Variants in MBTPS2 observed in about 807,000 individuals in gnomAD.
MBTPS2 encodes the protein membrane-bound transcription factor site-2 protease.
A neutral mutation model predicts 35.4 loss-of-function variants in MBTPS2; 2 were observed. The observed-to-expected ratio is 0.06, with a 90% CI of 0.02 to 0.18. The LOEUF (loss-of-function observed/expected upper bound fraction) is 0.18. MBTPS2 is among the 10% of genes least tolerant of loss of function. MBTPS2 has a pLI of 1.00. For synonymous variants in MBTPS2, 125 were observed against 140.4 expected (o/e 0.89, Z 0.77); for missense variants, 244 against 386.5 (o/e 0.63, Z 3.09).
chrX:21,881,663 C>T (rs982005942), intron 10 of MBTPS2, among the ~76,000 whole-genome samples: 9 of 111,341 alleles, frequency 8.1e-5, no homozygotes, highest in East Asian at 5.6e-4. Flanking sequence ...TGGCCAGGCG[C>T]GGTGGCTCAC....
chrX:21,864,881 T>TTTC (rs1491195522), intron 5 of MBTPS2, among the ~76,000 whole-genome samples: 8 of 63,577 alleles, frequency 1.3e-4, no homozygotes, highest in African/African-American at 4.1e-4. Flanking sequence ...TCTTTCTTTC[T>TTTC]TTTTTTTTTT....
At position 21,858,725 on chromosome X, in the gene MBTPS2, A is replaced by G. The variant is rs753557440; in HGVS notation, c.670+5222A>G. On this transcript the variant is annotated intron_variant, in intron 5 of 10. Transcript: ENST00000379484. ...GGCAACATGGCATAACTCGGTCTCT[A>G]CCAAAAATAAAAAAATTAGCTGAGT... 184 of 119,297 alleles carry G rather than the reference A, an allele frequency of 1.5e-3. 5 individuals carry two copies. The highest frequency in any genetic ancestry group is 1.8e-3 in the Non-Finnish European group (94 of 52,456). The allele number at this position is 119,297 out of a possible 1,213,427, so 9.8% of individuals were successfully genotyped here.
chrX:21,874,326 C>CGT (rs559168663), intron 7 of MBTPS2, among the ~76,000 whole-genome samples: 266 of 102,389 alleles, frequency 2.6e-3, no homozygotes, highest in South Asian at 0.012. Flanking sequence ...CACCCAGCCT[C>CGT]GTGTGTGTGT....
chrX:21,862,845 T>A (rs2092933283), intron 5 of MBTPS2, among the ~76,000 whole-genome samples: 1 of 90,527 alleles, frequency 1.1e-5, no homozygotes, highest in African/African-American at 3.9e-5. Flanking sequence ...AAAAAACATA[T>A]ATATATATAC....
Position 21,845,201 on chromosome X carries a change from T to G in MBTPS2, c.255T>G (p.Ile85Met). Reference protein sequence around the residue: ...WFNFGMVFGVIAMFSSFFLLG... With the variant: ...WFNFGMVFGVMAMFSSFFLLG... ...ATTTTGGAATGGTGTTTGGCGTAAT[T>G]GCCATGTTTAGCTCATTTTTTCTCC... The change falls in exon 3 of 11, where the codon ATT becomes ATG. Residue 85 changes from isoleucine to methionine, a missense_variant. Physicochemically the swap from Ile to Met is conservative, Grantham distance 10. Coordinates refer to ENST00000379484, the MANE Select transcript of MBTPS2 (RefSeq NM_015884.4). The G allele has an allele frequency of 8.3e-7, 1 of 1,211,440 alleles. No homozygotes were observed. Among genetic ancestry groups the G allele is most frequent in the Non-Finnish European group, 1.1e-6 (1 of 895,025 alleles).
In MBTPS2 at chrX:21,885,211, CAT is replaced by C; in HGVS notation, c.*2557_*2558del. The C allele has an allele frequency of 5.3e-6, 4 of 751,057 alleles. No homozygotes were observed. The highest frequency in any genetic ancestry group is 8.6e-5 in the Admixed American group (1 of 11,593). 61.9% of individuals were successfully genotyped at this position (751,057 alleles called of 1,213,427 possible). A position where few individuals can be genotyped will look rare whatever the true frequency, so the allele number is the denominator to read the frequency against. On this transcript the variant is annotated 3_prime_UTR_variant, in exon 11 of 11. Coordinates refer to ENST00000379484, the MANE Select transcript of MBTPS2 (RefSeq NM_015884.4). ...GTCTGTTCTAACAGCAAATTGTAAA[CAT>C]GTGCTTCATAGATATTGTGGCTCTC...
Position 21,885,072 on chromosome X carries a change from G to GT in MBTPS2, c.*2425dup, listed in dbSNP as rs202031654. The stretch of plus-strand genomic sequence containing the variant: ...CTCTGCATTGTTTACATTTTTGACA[G>GT]TTTTTTTTAATCACCTACAATCTGT... On this transcript the variant is annotated 3_prime_UTR_variant, in exon 11 of 11. Coordinates refer to ENST00000379484, the MANE Select transcript of MBTPS2 (RefSeq NM_015884.4). 13 of 748,913 alleles carry GT rather than the reference G, an allele frequency of 1.7e-5. No homozygotes were observed. Among genetic ancestry groups the GT allele is most frequent in the African/African-American group, 4.6e-5 (2 of 43,111 alleles). The allele number at this position is 748,913 out of a possible 1,213,427, so 61.7% of individuals were successfully genotyped here. A position where few individuals can be genotyped will look rare whatever the true frequency, so the allele number is the denominator to read the frequency against.
intron 9 of MBTPS2, among the ~76,000 whole-genome samples, chrX:21,879,153 T>C (rs1402449694): frequency 2.7e-5 from 3 of 112,378 alleles, no homozygotes; most frequent in Middle Eastern, 9.2e-3. Flanking sequence ...GGCAGCATCA[T>C]TGGACTAAGT....
chrX:21,845,479 G>A, intron 3 of MBTPS2, 95 bp downstream of exon 3: 1 of 830,157 alleles, frequency 1.2e-6, no homozygotes, highest in Non-Finnish European at 1.6e-6. Flanking sequence ...ATATAAATAT[G>A]AAAATAAATT....
At position 21,866,015 on chromosome X, in the gene MBTPS2, G is replaced by A. The variant is rs753744147; in HGVS notation, c.671-2452G>A. ...AGACAGAGTATCTTTCTGTCACCCA[G>A]GCTGGTCTCAAACTCCTGGTCTCAA... On this transcript the variant is annotated intron_variant, in intron 5 of 10. Coordinates refer to ENST00000379484, the MANE Select transcript of MBTPS2 (RefSeq NM_015884.4). 8.1e-5 allele frequency among the ~76,000 whole-genome samples: 9 copies of A among 110,930 alleles called. No individual in the cohort carries two copies. In the South Asian group the frequency reaches 3.5e-3, roughly 43 times the overall value.
At chrX:21,874,746 A>G (rs1372642162) in intron 7 of MBTPS2, among the ~76,000 whole-genome samples, 1 of 112,543 alleles carries the variant, frequency 8.9e-6, no homozygotes, top group East Asian at 2.8e-4. Flanking sequence ...CTAATCTTCT[A>G]GAGTTAAATT....
chrX:21,843,593 G>A (rs2092905189), intron 2 of MBTPS2, among the ~76,000 whole-genome samples: 1 of 111,483 alleles, frequency 9.0e-6, no homozygotes, highest in South Asian at 3.8e-4. Flanking sequence ...ATGAGAGAAT[G>A]TGAGGGTCAG....
chrX:21,875,265 C>T (rs1293039685), intron 7 of MBTPS2, among the ~76,000 whole-genome samples: 1 of 112,049 alleles, frequency 8.9e-6, no homozygotes, highest in East Asian at 2.8e-4. Context: ...AATGTTTAAA[C>T]TTCAACAGGC....
chrX:21,856,540 T>C (rs899802577), intron 5 of MBTPS2: 1 of 1,209,955 alleles, frequency 8.3e-7, no homozygotes, highest in African/African-American at 1.7e-5. Context: ...CCGGCAGATA[T>C]TGTGGAGCTC....
chrX:21,853,586 C>A, intron 5 of MBTPS2, 83 bp downstream of exon 5: 1 of 909,402 alleles, frequency 1.1e-6, no homozygotes, highest in Non-Finnish European at 1.6e-6. Flanking sequence ...GAAAATATAT[C>A]ACAAATGACA....
chrX:21,849,981 C>G (rs2092912985), intron 3 of MBTPS2, among the ~76,000 whole-genome samples: 1 of 100,697 alleles, frequency 9.9e-6, no homozygotes, highest in Non-Finnish European at 2.0e-5. Context: ...GAGCCGAGAT[C>G]GCGCCATTGC....
chrX:21,848,031 T>C lies in MBTPS2; in HGVS notation c.438+2647T>C, dbSNP rs371414682. Among the ~76,000 whole-genome samples, 34 of 112,902 alleles carry C rather than the reference T, an allele frequency of 3.0e-4. No homozygotes were observed. In the East Asian group the frequency reaches 4.1e-3, roughly 14 times the overall value. On this transcript the variant is annotated intron_variant, in intron 3 of 10. Coordinates refer to ENST00000379484, the MANE Select transcript of MBTPS2 (RefSeq NM_015884.4). ...TTTAGCCTAACATTATTTATTATTA[T>C]GAAGAATTAAAAGCAACCAAAATAT...
chrX:21,845,248 C>T lies in MBTPS2; in HGVS notation c.302C>T (p.Thr101Ile). 8.3e-7 allele frequency: 1 copy of T among 1,211,445 alleles called. No homozygotes were observed. Among genetic ancestry groups the T allele is most frequent in the Non-Finnish European group, 1.1e-6 (1 of 895,231 alleles). ...CTCCTTGGAAAAACGCTGATGCAGA[C>T]TTTGGCACAAATGATGGCTGACTCT... is the stretch of plus-strand genomic sequence containing the variant. ...FFLLGKTLMQ[T>I]LAQMMADSPS... The change falls in exon 3 of 11, where the codon ACT becomes ATT. Residue 101 changes from threonine to isoleucine, a missense_variant. By Grantham distance (89) the Thr-to-Ile change is moderately conservative (BLOSUM62 -1). Coordinates refer to ENST00000379484, the MANE Select transcript of MBTPS2 (RefSeq NM_015884.4).
At chrX:21,855,589 G>A (rs767922554) in intron 5 of MBTPS2, among the ~76,000 whole-genome samples, 4 of 109,607 alleles carry the variant, frequency 3.6e-5, no homozygotes, top group Non-Finnish European at 3.8e-5. Flanking sequence ...GAGCCACCAC[G>A]CCCAGCTAAT....
Sources: allele counts gnomAD v4.1 joint callset (sites outside exome capture counted in the v4.1 genomes callset), GRCh38; gene constraint gnomAD v4.1.1; transcripts MANE v1.5; gene names NCBI Gene and HGNC (gene_info 2026-07-23, HGNC 2026-07-21).